Variants in SAMD12 observed in about 807,000 individuals in gnomAD.
SAMD12 encodes the protein sterile alpha motif domain containing 12, also known as sterile alpha motif domain-containing protein 12.
In SAMD12, 9 loss-of-function variants were observed where a neutral mutation model predicts 15.0. The ratio of observed to expected loss-of-function variants is 0.60; its 90% confidence interval spans 0.36 to 1.05. The LOEUF (loss-of-function observed/expected upper bound fraction) is 1.05, where lower values mean the gene tolerates loss of function less well. Among genes scored for constraint, SAMD12 ranks in the 50% least tolerant of loss-of-function variants. The pLI, the probability that SAMD12 is intolerant of heterozygous loss-of-function variation, is 0.01. For synonymous variants in SAMD12, 86 were observed against 90.1 expected (o/e 0.96, Z 0.25); for missense variants, 230 against 234.2 (o/e 0.98, Z 0.12).
intron 4 of SAMD12, among the ~76,000 whole-genome samples, chr8:118,281,790 C>A (rs180943479): frequency 2.0e-5 from 3 of 152,248 alleles, no homozygotes; most frequent in Admixed American, 6.5e-5. Flanking sequence ...TGGTTAAAAG[C>A]CCTTCTCCAA....
At chr8:118,133,180 A>T in the SAMD12 span, among the ~76,000 whole-genome samples, 1 of 151,222 alleles carries the variant, frequency 6.6e-6, no homozygotes, top group Non-Finnish European at 1.5e-5. Context: ...AGAGTTCCTT[A>T]TGAGTTTTAA....
chr8:118,577,286 G>T (rs918238553), intron 2 of SAMD12, among the ~76,000 whole-genome samples: 12 of 152,042 alleles, frequency 7.9e-5, no homozygotes, highest in African/African-American at 2.2e-4. Flanking sequence ...GGGGCTAAGG[G>T]TCCCAAAATG....
chr8:118,203,971 C>T (rs1489423832), intron 4 of SAMD12, among the ~76,000 whole-genome samples: 3 of 151,692 alleles, frequency 2.0e-5, no homozygotes, highest in Admixed American at 6.6e-5. Context: ...AAATATATCA[C>T]TCCCAAAATA....
chr8:118,419,902 A>T (rs1821916876), intron 3 of SAMD12, among the ~76,000 whole-genome samples: 1 of 152,210 alleles, frequency 6.6e-6, no homozygotes, highest in African/African-American at 2.4e-5. Context: ...TGTCTATGTT[A>T]CCTGCTGTGT....
At chr8:118,454,539 T>C (rs1823183909) in intron 2 of SAMD12, among the ~76,000 whole-genome samples, 1 of 152,238 alleles carries the variant, frequency 6.6e-6, no homozygotes. Flanking sequence ...CTCTGTTTAC[T>C]CTGCTCTCTT....
rs186910124 is a variant in SAMD12, at chr8:118,246,668, T to C, written c.434-48936A>G. ...GAGATATAAAAATAGATCATTCTAA[T>C]ATTTGGTAAGTGCTATGATATAAAT... On this transcript the variant is annotated intron_variant, in intron 4 of 4. Coordinates refer to the SAMD12 transcript ENST00000409003. Among the ~76,000 whole-genome samples the C allele has an allele frequency of 2.3e-4, 35 of 152,236 alleles. No individual in the cohort carries two copies. The East Asian group carries it at 5.4e-3, about 24-fold the overall frequency.
chr8:118,234,581 G>A (rs1053059581), intron 4 of SAMD12, among the ~76,000 whole-genome samples: 1 of 151,882 alleles, frequency 6.6e-6, no homozygotes, highest in African/African-American at 2.4e-5. Context: ...CATGGTGGCA[G>A]GTGGCTATAG....
Position 118,258,509 on chromosome 8 carries a change from G to C in SAMD12, c.434-60777C>G, listed in dbSNP as rs145228271. Among the ~76,000 whole-genome samples the C allele has an allele frequency of 1.6e-3, 236 of 152,168 alleles. 5 individuals are homozygous for C. The highest frequency in any genetic ancestry group is 2.9e-4 in the Non-Finnish European group (20 of 67,956). ...CTGGCACCATGCCACTATGTTAGGT[G>C]CTAATACACTGAATTTTACTTAAAA... On this transcript the variant is annotated intron_variant, in intron 4 of 4. Coordinates refer to the SAMD12 transcript ENST00000409003.
At chr8:118,381,989 G>C (rs1013036901) in intron 3 of SAMD12, among the ~76,000 whole-genome samples, 1 of 152,104 alleles carries the variant, frequency 6.6e-6, no homozygotes, top group Non-Finnish European at 1.5e-5. Context: ...TGAGTGCCTG[G>C]CTTGCAGGAT....
chr8:118,356,418 C>A (rs547042329), intron 4 of SAMD12, among the ~76,000 whole-genome samples: 1 of 152,270 alleles, frequency 6.6e-6, no homozygotes, highest in East Asian at 1.9e-4. Flanking sequence ...CCCTCTCAAG[C>A]CCTTTTCTGA....
intron 4 of SAMD12, among the ~76,000 whole-genome samples, chr8:118,302,007 G>C (rs1002148984): frequency 2.8e-5 from 4 of 144,594 alleles, no homozygotes; most frequent in Non-Finnish European, 6.0e-5. Context: ...AATAAGACCA[G>C]TATATAAATA....
intron 2 of SAMD12, among the ~76,000 whole-genome samples, chr8:118,470,588 T>G (rs1160259005): frequency 6.6e-6 from 1 of 152,200 alleles, no homozygotes; most frequent in African/African-American, 2.4e-5. Flanking sequence ...AGGTTAACTC[T>G]GAGAACAAGT....
intron 2 of SAMD12, among the ~76,000 whole-genome samples, chr8:118,554,285 A>T (rs1484616873): frequency 6.6e-6 from 1 of 152,124 alleles, no homozygotes; most frequent in Non-Finnish European, 1.5e-5. Context: ...AACCAACCCA[A>T]ATGTCCAACA....
At chr8:118,345,981 G>A (rs1028143195) in intron 4 of SAMD12, among the ~76,000 whole-genome samples, 25 of 152,202 alleles carry the variant, frequency 1.6e-4, no homozygotes, top group East Asian at 3.8e-4. Flanking sequence ...GCTAACCACC[G>A]TCTCCATTTG....
chr8:118,132,070 A>G, the SAMD12 span, among the ~76,000 whole-genome samples: 2 of 152,180 alleles, frequency 1.3e-5, no homozygotes, highest in African/African-American at 4.8e-5. Context: ...TTTTCCATTC[A>G]TATCTTTGTA....
intron 2 of SAMD12, among the ~76,000 whole-genome samples, chr8:118,541,310 C>G (rs948659034): frequency 6.6e-6 from 1 of 152,158 alleles, no homozygotes; most frequent in Non-Finnish European, 1.5e-5. Context: ...CTTACCCTTC[C>G]TCAAGTAAGC....
At chr8:118,448,602 G>T (rs1363826278) in intron 2 of SAMD12, among the ~76,000 whole-genome samples, 1 of 152,196 alleles carries the variant, frequency 6.6e-6, no homozygotes, top group Admixed American at 6.5e-5. Context: ...CCCAGGTTGG[G>T]ACTAAAACAG....
At chr8:118,190,017 T>C (rs1292648594) in exon 5 of SAMD12, 2 of 149,512 alleles carry the variant, frequency 1.3e-5, no homozygotes, top group African/African-American at 2.5e-5. Flanking sequence ...GTAATACTTA[T>C]GTAATTAAAC....
intron 4 of SAMD12, among the ~76,000 whole-genome samples, chr8:118,279,749 TA>T (rs1813565395): frequency 6.6e-6 from 1 of 152,214 alleles, no homozygotes; most frequent in African/African-American, 2.4e-5. Flanking sequence ...TGGACATGCA[TA>T]TTTGATGCAT....
Sources: gnomAD v4.1 joint callset for allele counts (sites outside exome capture counted in the v4.1 genomes callset) on GRCh38, gnomAD v4.1.1 for gene constraint, MANE v1.5 for transcripts, NCBI Gene and HGNC (gene_info 2026-07-23, HGNC 2026-07-21) for gene names.